Variants in THRB observed in about 807,000 individuals in gnomAD.
The protein encoded by THRB is thyroid hormone receptor beta.
THRB carries 12 observed loss-of-function variants against 47.8 expected under a neutral mutation model. The ratio of observed to expected loss-of-function variants is 0.25; its 90% CI spans 0.16 to 0.41. The LOEUF (loss-of-function observed/expected upper bound fraction) is 0.41. Ranked by LOEUF, THRB falls within the 10% of genes least tolerant of loss-of-function variation. THRB has a pLI of 1.00. For synonymous variants in THRB, 218 were observed against 212.2 expected (o/e 1.03, Z -0.24); for missense variants, 348 against 589.2 (o/e 0.59, Z 4.24).
chr3:24,268,274 T>C (rs181474363), intron 3 of THRB, among the ~76,000 whole-genome samples: 191 of 152,292 alleles, frequency 1.3e-3, no homozygotes, highest in Non-Finnish European at 1.9e-3. Flanking sequence ...TATTTACCTA[T>C]AGAATATGAC....
intron 3 of THRB, among the ~76,000 whole-genome samples, chr3:24,293,020 T>TTTG (rs113700287): frequency 1.3e-5 from 2 of 151,626 alleles, no homozygotes; most frequent in African/African-American, 2.4e-5. Context: ...GCTGCAAAGT[T>TTTG]TTTGTTTGTT....
chr3:24,487,344 G>GCA (rs61358157), intron 1 of THRB, among the ~76,000 whole-genome samples: 4,621 of 146,252 alleles, frequency 0.032, 81 homozygotes, highest in Non-Finnish European at 0.032. Flanking sequence ...AGACACACAA[G>GCA]CACACACACA....
intron 4 of THRB, among the ~76,000 whole-genome samples, chr3:24,220,803 A>AAG: frequency 3.2e-5 from 1 of 31,424 alleles, no homozygotes; most frequent in East Asian, 6.2e-4. Context: ...TAAACAAAAG[A>AAG]AAAAAAAAAA....
intron 1 of THRB, among the ~76,000 whole-genome samples, chr3:24,492,974 A>G (rs996167294): frequency 6.6e-6 from 1 of 152,256 alleles, no homozygotes; most frequent in East Asian, 1.9e-4. Context: ...CCAATATATA[A>G]TAAACCTCTG....
At chr3:24,232,207 A>G (rs1158145931) in intron 3 of THRB, among the ~76,000 whole-genome samples, 1 of 152,182 alleles carries the variant, frequency 6.6e-6, no homozygotes, top group African/African-American at 2.4e-5. Context: ...CCAAGTAGAG[A>G]ATATCCCTTT....
chr3:24,185,962 C>G (rs2042518550), intron 5 of THRB, among the ~76,000 whole-genome samples: 1 of 152,194 alleles, frequency 6.6e-6, no homozygotes, highest in South Asian at 2.1e-4. Flanking sequence ...AGTGACTAAG[C>G]AGACCTTCCA....
chr3:24,291,392 C>T (rs768896674), intron 3 of THRB, among the ~76,000 whole-genome samples: 59 of 152,136 alleles, frequency 3.9e-4, no homozygotes, highest in African/African-American at 5.1e-4. Flanking sequence ...TGTTTCTGTG[C>T]GCACATGAGT....
chr3:24,463,538 A>G (rs73036427), intron 1 of THRB, among the ~76,000 whole-genome samples: 53,119 of 152,164 alleles, frequency 0.35, 9,333 homozygotes, highest in East Asian at 0.43. Flanking sequence ...GATTACAGGC[A>G]TGAGCCACCC....
intron 3 of THRB, among the ~76,000 whole-genome samples, chr3:24,269,303 ACACACACACACACACACACG>A (rs2053005433): frequency 1.7e-5 from 2 of 120,208 alleles, no homozygotes; most frequent in African/African-American, 3.1e-5. Context: ...ACACACACAC[ACACACACACACACACACACG>A]TTATCTTTGC....
chr3:24,229,356 G>A (rs1308517971), intron 3 of THRB, among the ~76,000 whole-genome samples: 1 of 152,166 alleles, frequency 6.6e-6, no homozygotes, highest in Non-Finnish European at 1.5e-5. Context: ...GCTTCTCAAG[G>A]TGTGGTCTGT....
At chr3:24,464,145 C>T (rs2073939058) in intron 1 of THRB, among the ~76,000 whole-genome samples, 1 of 151,566 alleles carries the variant, frequency 6.6e-6, no homozygotes, top group South Asian at 2.1e-4. Context: ...ACTCAAAAGG[C>T]TGAGGCAGGA....
chr3:24,395,459 A>G (rs2066887941), intron 1 of THRB, among the ~76,000 whole-genome samples: 1 of 152,150 alleles, frequency 6.6e-6, no homozygotes, highest in African/African-American at 2.4e-5. Context: ...TAGGCAAAGG[A>G]TCTAAATTAG....
At chr3:24,127,381 A>C in intron 10 of THRB, 118 bp downstream of exon 10, 1 of 1,112,948 alleles carries the variant, frequency 9.0e-7, no homozygotes, top group Non-Finnish European at 1.3e-6. Context: ...TTTCTTACTG[A>C]AGAAGAGTGA....
chr3:24,447,795 T>C (rs2072246062), intron 1 of THRB, among the ~76,000 whole-genome samples: 1 of 151,736 alleles, frequency 6.6e-6, no homozygotes, highest in African/African-American at 2.4e-5. Flanking sequence ...GCTCTGCAAA[T>C]GGGAGGAGAT....
chr3:24,402,026 A>C (rs2067444681), intron 1 of THRB, among the ~76,000 whole-genome samples: 1 of 152,022 alleles, frequency 6.6e-6, no homozygotes, highest in Non-Finnish European at 1.5e-5. Flanking sequence ...AAAGCCAAGG[A>C]AAAGAAAGCA....
intron 9 of THRB, among the ~76,000 whole-genome samples, chr3:24,129,979 G>T (rs2033572946): frequency 6.6e-6 from 1 of 152,160 alleles, no homozygotes. Context: ...TCTGGCAAGA[G>T]ACCCCTGGCT....
intron 8 of THRB, 102 bp from the exon 9 acceptor site, chr3:24,133,564 G>C: frequency 9.4e-7 from 1 of 1,062,496 alleles, no homozygotes; most frequent in South Asian, 1.3e-5. Context: ...CTGATATCCT[G>C]TACAGTTTCC....
At chr3:24,390,784 T>TAAA (rs33999392) in intron 1 of THRB, among the ~76,000 whole-genome samples, 38 of 138,220 alleles carry the variant, frequency 2.7e-4, no homozygotes, top group African/African-American at 7.9e-4. Flanking sequence ...CTTTACTTTG[T>TAAA]AAAAAAAAAA....
At chr3:24,325,325 A>C (rs2058733370) in intron 2 of THRB, among the ~76,000 whole-genome samples, 1 of 152,178 alleles carries the variant, frequency 6.6e-6, no homozygotes, top group African/African-American at 2.4e-5. Flanking sequence ...GCTTCCTCTC[A>C]AAGGAAGAAA....
Sources: gnomAD v4.1 joint callset for allele counts (sites outside exome capture counted in the v4.1 genomes callset) on GRCh38, gnomAD v4.1.1 for gene constraint, MANE v1.5 for transcripts, NCBI Gene and HGNC (gene_info 2026-07-23, HGNC 2026-07-21) for gene names.